The following SLC24A2 variants were observed in gnomAD, a reference collection of about 807,000 sequenced individuals.
SLC24A2 encodes solute carrier family 24 member 2.
A neutral mutation model predicts 62.0 loss-of-function variants in SLC24A2; 36 were observed. The observed-to-expected ratio is 0.58, with a 90% CI of 0.44 to 0.77. The LOEUF is 0.77. SLC24A2 is among the 30% of genes least tolerant of loss of function. The pLI, the probability that SLC24A2 is intolerant of heterozygous loss-of-function variation, is 0.00. For missense variants in SLC24A2, 846 were observed against 817.9 expected (o/e 1.03, Z -0.42); for synonymous variants, 358 against 294.0 (o/e 1.22, Z -2.23).
chr9:19,886,757 G>A, the SLC24A2 span, among the ~76,000 whole-genome samples: 3 of 152,188 alleles, frequency 2.0e-5, no homozygotes, highest in Non-Finnish European at 4.4e-5. Context: ...GCACATGTAT[G>A]TTCATTGCAG....
chr9:20,216,282 G>C, the SLC24A2 span, among the ~76,000 whole-genome samples: 9 of 152,172 alleles, frequency 5.9e-5, no homozygotes, highest in East Asian at 1.5e-3. Context: ...AGGATGACCT[G>C]TCAGAGATTA....
the SLC24A2 span, among the ~76,000 whole-genome samples, chr9:20,268,638 C>T: frequency 3.9e-5 from 6 of 152,178 alleles, no homozygotes; most frequent in African/African-American, 1.4e-4. Flanking sequence ...GACTTTTCAG[C>T]CTCCATAACT....
chr9:19,868,805 C>T, the SLC24A2 span, among the ~76,000 whole-genome samples: 1 of 151,724 alleles, frequency 6.6e-6, no homozygotes, highest in Non-Finnish European at 1.5e-5. Context: ...CTTTTGGTTA[C>T]TCTTTGTATG....
chr9:19,768,227 T>C (rs1343720608), intron 2 of SLC24A2, among the ~76,000 whole-genome samples: 1 of 152,220 alleles, frequency 6.6e-6, no homozygotes, highest in Non-Finnish European at 1.5e-5. Context: ...TCTATATTTT[T>C]CTTCCAGCTT....
At chr9:20,237,896 G>C in the SLC24A2 span, among the ~76,000 whole-genome samples, 2 of 152,082 alleles carry the variant, frequency 1.3e-5, no homozygotes, top group Non-Finnish European at 2.9e-5. Flanking sequence ...TTTTGAGTTT[G>C]CCAAGTTAGA....
At chr9:20,282,529 T>C in the SLC24A2 span, among the ~76,000 whole-genome samples, 1 of 152,292 alleles carries the variant, frequency 6.6e-6, no homozygotes. Context: ...CAAATCATAC[T>C]CTATCAGTGA....
At chr9:20,116,601 A>G in the SLC24A2 span, among the ~76,000 whole-genome samples, 2 of 152,110 alleles carry the variant, frequency 1.3e-5, no homozygotes, top group African/African-American at 2.4e-5. Flanking sequence ...TCTGTCTTTC[A>G]ATTACTAAAT....
the SLC24A2 span, among the ~76,000 whole-genome samples, chr9:20,212,880 A>G: frequency 6.6e-6 from 1 of 151,800 alleles, no homozygotes; most frequent in Non-Finnish European, 1.5e-5. Flanking sequence ...CATTGACCAC[A>G]CCGTTTAAAA....
intron 2 of SLC24A2, among the ~76,000 whole-genome samples, chr9:19,755,228 CT>C (rs1454117508): frequency 6.6e-6 from 1 of 152,126 alleles, no homozygotes; most frequent in Non-Finnish European, 1.5e-5. Context: ...ATGTAGAATC[CT>C]TGCCAAGTAC....
the SLC24A2 span, among the ~76,000 whole-genome samples, chr9:20,178,550 A>G: frequency 6.6e-6 from 1 of 151,670 alleles, no homozygotes; most frequent in Non-Finnish European, 1.5e-5. Flanking sequence ...TCCTTTTTCC[A>G]CCTTCCCCTA....
chr9:19,828,606 C>A, the SLC24A2 span, among the ~76,000 whole-genome samples: 1 of 152,084 alleles, frequency 6.6e-6, no homozygotes, highest in South Asian at 2.1e-4. Context: ...TGGGACTGGG[C>A]AAATCATATC....
chr9:19,741,050 C>CCT (rs1666406559), intron 2 of SLC24A2, among the ~76,000 whole-genome samples: 1 of 152,126 alleles, frequency 6.6e-6, no homozygotes, highest in African/African-American at 2.4e-5. Flanking sequence ...ATGTTGCTAT[C>CCT]CTCTGTATGT....
the SLC24A2 span, among the ~76,000 whole-genome samples, chr9:20,250,411 G>T: frequency 6.6e-6 from 1 of 152,172 alleles, no homozygotes; most frequent in African/African-American, 2.4e-5. Context: ...CCAATCAACA[G>T]CTCTTTCCTA....
intron 4 of SLC24A2, among the ~76,000 whole-genome samples, chr9:19,606,555 G>A (rs750497288): frequency 2.6e-5 from 4 of 152,180 alleles, no homozygotes; most frequent in Admixed American, 6.5e-5. Context: ...GTCTACAGTG[G>A]GGGCCTGTAA....
chr9:20,031,829 G>C, the SLC24A2 span, among the ~76,000 whole-genome samples: 1 of 152,152 alleles, frequency 6.6e-6, no homozygotes, highest in Non-Finnish European at 1.5e-5. Flanking sequence ...TGCTGTAGGG[G>C]CGTTGGTGGG....
At chr9:19,949,594 A>G in the SLC24A2 span, among the ~76,000 whole-genome samples, 1 of 152,136 alleles carries the variant, frequency 6.6e-6, no homozygotes, top group South Asian at 2.1e-4. Context: ...TCCAGTGGAG[A>G]CTGCATTTCC....
At chr9:19,657,723 T>C (rs567709750) in intron 2 of SLC24A2, among the ~76,000 whole-genome samples, 226 of 152,298 alleles carry the variant, frequency 1.5e-3, no homozygotes, top group African/African-American at 5.1e-3. Flanking sequence ...CTCAGTCTTT[T>C]ACTTTCTTTC....
chr9:19,880,667 G>A, the SLC24A2 span, among the ~76,000 whole-genome samples: 1 of 152,166 alleles, frequency 6.6e-6, no homozygotes, highest in African/African-American at 2.4e-5. Flanking sequence ...TGGGATGAGT[G>A]TGGGAAATGA....
chr9:19,902,578 G>T, the SLC24A2 span, among the ~76,000 whole-genome samples: 1 of 152,124 alleles, frequency 6.6e-6, no homozygotes, highest in Non-Finnish European at 1.5e-5. Context: ...AGGTCCACAG[G>T]ATTAGCCCAG....
Sources: allele counts gnomAD v4.1 joint callset (sites outside exome capture counted in the v4.1 genomes callset), GRCh38; gene constraint gnomAD v4.1.1; transcripts MANE v1.5; gene names NCBI Gene and HGNC (gene_info 2026-07-23, HGNC 2026-07-21).